KCNQ1: variants seen among roughly 807,000 people sequenced by gnomAD.
KCNQ1 encodes the protein potassium voltage-gated channel subfamily KQT member 1.
KCNQ1 carries 49 observed loss-of-function variants against 72.4 expected under a neutral mutation model. The observed-to-expected ratio is 0.68, with a 90% CI of 0.54 to 0.86. KCNQ1 has a LOEUF of 0.86. KCNQ1 is among the 40% of genes least tolerant of loss of function. KCNQ1 has a pLI of 0.00. For missense variants in KCNQ1, 790 were observed against 945.1 expected (o/e 0.84, Z 2.15); for synonymous variants, 450 against 412.6 (o/e 1.09, Z -1.10).
chr11:2,721,312 T>G (rs1232597397), intron 11 of KCNQ1, among the ~76,000 whole-genome samples: 1 of 152,152 alleles, frequency 6.6e-6, no homozygotes, highest in African/African-American at 2.4e-5. Context: ...GGTCTGCTCG[T>G]GAGGGACCCC....
Position 2,498,131 on chromosome 11 carries a change from G to A in KCNQ1, c.387-29797G>A, listed in dbSNP as rs1022140478. Among the ~76,000 whole-genome samples the A allele has an allele frequency of 6.6e-6, 1 of 152,186 alleles. No individual in the cohort carries two copies. Among genetic ancestry groups the A allele is most frequent in the Non-Finnish European group, 1.5e-5 (1 of 68,028 alleles). On this transcript the variant is annotated intron_variant, in intron 1 of 15. Coordinates refer to ENST00000155840, the MANE Select transcript of KCNQ1 (RefSeq NM_000218.3). The surrounding 1 kb of genome is among the most constrained non-coding windows in gnomAD (Gnocchi z 4.8). ...TGACCCCTGTTGGGAGGTCTTGCCT[G>A]CTCAGGAGGCATGGGGCTCAGGGAC...
At chr11:2,520,396 G>A (rs567809379) in intron 1 of KCNQ1, among the ~76,000 whole-genome samples, 1 of 152,352 alleles carries the variant, frequency 6.6e-6, no homozygotes, top group East Asian at 1.9e-4. Context: ...GAGGGGTCGG[G>A]AGATGCCTGG....
rs987353616 is a variant in KCNQ1 at position 2,495,406 on chromosome 11, C to A, written c.387-32522C>A. On this transcript the variant is annotated intron_variant, in intron 1 of 15. Transcript: ENST00000155840. The surrounding 1 kb of genome is among the most constrained non-coding windows in gnomAD (Gnocchi z 4.6). ...TTTGAATTTGTTTGCTCTTGCTTCT[C>A]TAGTTCTTTTAATTGTGATGTTTGG... Among the ~76,000 whole-genome samples, 1 of 152,072 alleles carries A rather than the reference C, an allele frequency of 6.6e-6. No homozygotes were observed. The highest frequency in any genetic ancestry group is 1.5e-5 in the Non-Finnish European group (1 of 68,012).
rs556228572 is a variant in KCNQ1, at chr11:2,450,916, G to A, written c.386+5432G>A. ...CACGTGGGTGGGTGCTGGCTGGGGA[G>A]GGGCTTCTCTCTGGGGAGCAGGCCC... On this transcript the variant is annotated intron_variant, in intron 1 of 15. Transcript: ENST00000155840. The surrounding 1 kb of genome is among the most constrained non-coding windows in gnomAD (Gnocchi z 7.9). Among the ~76,000 whole-genome samples, 136 of 152,296 alleles carry A rather than the reference G, an allele frequency of 8.9e-4. No homozygotes were observed. The highest frequency in any genetic ancestry group is 3.2e-3 in the African/African-American group (131 of 41,562).
rs185438656 is a variant in KCNQ1, at chr11:2,631,185, T to A, written c.1394-30776T>A. On this transcript the variant is annotated intron_variant, in intron 10 of 15. Coordinates refer to ENST00000155840, the MANE Select transcript of KCNQ1 (RefSeq NM_000218.3). ...TTCTCTGAATTAACTTTCTACCCTTTACCTCTCTACTTTCCTTCTATAAAT... is the reference window on the plus strand; with the variant it reads ...TTCTCTGAATTAACTTTCTACCCTTAACCTCTCTACTTTCCTTCTATAAAT... 1.5e-3 allele frequency: 596 copies of A among 398,544 alleles called. 3 individuals are homozygous for A. The highest frequency in any genetic ancestry group is 5.7e-3 in the Middle Eastern group (9 of 1,586). 24.7% of individuals were successfully genotyped at this position (398,544 alleles called of 1,614,324 possible).
At chr11:2,702,798 C>T (rs937780634) in intron 11 of KCNQ1, among the ~76,000 whole-genome samples, 20 of 152,124 alleles carry the variant, frequency 1.3e-4, no homozygotes, top group African/African-American at 4.6e-4. Flanking sequence ...GGCCAAGGAG[C>T]CTGTCACTAT....
chr11:2,688,265 C>T (rs1415426140), intron 11 of KCNQ1: 3 of 398,602 alleles, frequency 7.5e-6, no homozygotes, highest in Non-Finnish European at 1.3e-5. Context: ...AGGGAGGCGC[C>T]ATGACCTCTG....
intron 1 of KCNQ1, among the ~76,000 whole-genome samples, chr11:2,504,627 T>C (rs1043925836): frequency 6.6e-6 from 1 of 152,054 alleles, no homozygotes; most frequent in Non-Finnish European, 1.5e-5. Context: ...CTTGGTGGCA[T>C]ACACCTGTAA....
intron 14 of KCNQ1, chr11:2,777,442 G>T: frequency 1.9e-6 from 1 of 530,436 alleles, no homozygotes; most frequent in South Asian, 3.1e-5. Context: ...AGAAGCACCT[G>T]GCTGCAGCCT....
intron 1 of KCNQ1, among the ~76,000 whole-genome samples, chr11:2,490,722 C>T (rs184228018): frequency 1.5e-3 from 233 of 152,284 alleles, no homozygotes; most frequent in African/African-American, 4.7e-3. Context: ...GAGTTTCACT[C>T]TTGTTGCCAA....
intron 15 of KCNQ1, among the ~76,000 whole-genome samples, chr11:2,792,462 C>G (rs151119117): frequency 6.6e-6 from 1 of 152,152 alleles, no homozygotes; most frequent in Non-Finnish European, 1.5e-5. Flanking sequence ...ATAGGAGGGA[C>G]GGGGCCGTGA....
At position 2,746,429 on chromosome 11, in the gene KCNQ1, C is replaced by T. The variant is rs768247532; in HGVS notation, c.1515-22415C>T. On this transcript the variant is annotated intron_variant, in intron 11 of 15. Transcript: ENST00000155840. This position sits in a 1 kb window ranked among gnomAD's most constrained non-coding sequence, Gnocchi z 5.9. ...TTCCCTACTGTCTTTTTTCTCTCCC[C>T]GGGCCCCACCCAGGGTCCCATGTGA... is the stretch of plus-strand genomic sequence containing the variant. Among the ~76,000 whole-genome samples the T allele has an allele frequency of 8.5e-5, 13 of 152,236 alleles. No individual in the cohort carries two copies. The highest frequency in any genetic ancestry group is 3.9e-4 in the East Asian group (2 of 5,174).
At chr11:2,512,038 A>G (rs1043059028) in intron 1 of KCNQ1, among the ~76,000 whole-genome samples, 16 of 152,250 alleles carry the variant, frequency 1.1e-4, no homozygotes, top group Non-Finnish European at 2.4e-4. Flanking sequence ...GGGCAGAGAC[A>G]TCAGGGGCTG....
In KCNQ1 at chr11:2,565,289, ACT is replaced by A. The variant is rs1330829393; in HGVS notation, c.478-5336_478-5335del. Among the ~76,000 whole-genome samples, 16 of 151,776 alleles carry A rather than the reference ACT, an allele frequency of 1.1e-4. No homozygotes were observed. The East Asian group carries it at 1.7e-3, about 17-fold the overall frequency. On this transcript the variant is annotated intron_variant, in intron 2 of 15. Transcript: ENST00000155840. The surrounding 1 kb of genome is among the most constrained non-coding windows in gnomAD (Gnocchi z 5.6). ...CTCCGGATCCTTGGGAGCACTTGTC[ACT>A]CTGTTTGGGGTGGCAGCCACCCTAA...
intron 10 of KCNQ1, chr11:2,655,018 A>G (rs1849820044): frequency 2.5e-6 from 1 of 398,532 alleles, no homozygotes. Context: ...AAGGAAATGA[A>G]AATCACCCAA....
chr11:2,777,128 C>A, intron 14 of KCNQ1, 96 bp downstream of exon 14: 1 of 1,185,694 alleles, frequency 8.4e-7, no homozygotes, highest in Non-Finnish European at 1.2e-6. Context: ...TCAGAATGGG[C>A]CATTGCACCT....
rs915227030 is a variant in KCNQ1 at position 2,473,121 on chromosome 11, G to T, written c.386+27637G>T. The stretch of plus-strand genomic sequence containing the variant: ...GGTCCCACCCATCTCAAGTCCATGG[G>T]ATTAACTCCCCTGTGCTGGAAGCTG... On this transcript the variant is annotated intron_variant, in intron 1 of 15. Coordinates refer to ENST00000155840, the MANE Select transcript of KCNQ1 (RefSeq NM_000218.3). This position sits in a 1 kb window ranked among gnomAD's most constrained non-coding sequence, Gnocchi z 6.0. Among the ~76,000 whole-genome samples the T allele has an allele frequency of 6.6e-6, 1 of 152,136 alleles. No homozygotes were observed. Among genetic ancestry groups the T allele is most frequent in the Admixed American group, 6.5e-5 (1 of 15,286 alleles).
rs1590114416 is a variant in KCNQ1, at chr11:2,827,015, A to G, written c.1795-20752A>G. On this transcript the variant is annotated intron_variant, in intron 15 of 15. Transcript: ENST00000155840. This position sits in a 1 kb window ranked among gnomAD's most constrained non-coding sequence, Gnocchi z 6.7. ...AAGGAGTTTGGAGTCATTTTCAGTC[A>G]CTCACAAGCCACAGGAGGGCTTCAG... 6.6e-6 allele frequency among the ~76,000 whole-genome samples: 1 copy of G among 152,032 alleles called. No individual in the cohort carries two copies. Among genetic ancestry groups the G allele is most frequent in the African/African-American group, 2.4e-5 (1 of 41,376 alleles).
chr11:2,518,745 G>A (rs1847328381), intron 1 of KCNQ1, among the ~76,000 whole-genome samples: 1 of 152,200 alleles, frequency 6.6e-6, no homozygotes, highest in East Asian at 1.9e-4. Context: ...GTCACCCATT[G>A]TTGTGTCCCT....
Sources: gnomAD v4.1 joint callset for allele counts (sites outside exome capture counted in the v4.1 genomes callset) on GRCh38, gnomAD v4.1.1 for gene constraint, Gnocchi (gnomAD v3.1) non-coding constraint, MANE v1.5 for transcripts, NCBI Gene and HGNC (gene_info 2026-07-23, HGNC 2026-07-21) for gene names.